TMEM164: variants seen among roughly 807,000 people sequenced by gnomAD.
TMEM164 encodes the protein RP13-360B22.2.
TMEM164 carries 4 observed loss-of-function variants against 18.8 expected under a neutral mutation model. The ratio of observed to expected loss-of-function variants is 0.21; its 90% CI spans 0.10 to 0.49. TMEM164 has a LOEUF of 0.49. TMEM164 is among the 20% of genes least tolerant of loss of function. The probability of loss-of-function intolerance (pLI) is 0.98; values close to 1 mark genes in which losing one functional copy is unlikely to be tolerated. For missense variants in TMEM164, 108 were observed against 239.9 expected (o/e 0.45, Z 3.63); for synonymous variants, 86 against 101.7 (o/e 0.85, Z 0.93).
At chrX:110,146,730 A>C (rs2066860880) in intron 5 of TMEM164, among the ~76,000 whole-genome samples, 1 of 111,624 alleles carries the variant, frequency 9.0e-6, no homozygotes, top group Non-Finnish European at 1.9e-5. Flanking sequence ...CTCCCTTTCC[A>C]GCTCTTTACT....
chrX:110,127,165 C>G (rs2066544659), intron 4 of TMEM164, among the ~76,000 whole-genome samples: 1 of 110,576 alleles, frequency 9.0e-6, no homozygotes, highest in Admixed American at 9.6e-5. Context: ...GAGAGCTGTC[C>G]TGAGGAAGTA....
At chrX:110,115,174 A>T (rs1286308876) in intron 4 of TMEM164, among the ~76,000 whole-genome samples, 1 of 112,176 alleles carries the variant, frequency 8.9e-6, no homozygotes, top group East Asian at 2.8e-4. Flanking sequence ...TCACCAATGC[A>T]GATAGGCTTG....
At chrX:110,012,555 T>C (rs1031607168) in intron 2 of TMEM164, among the ~76,000 whole-genome samples, 5 of 112,237 alleles carry the variant, frequency 4.5e-5, no homozygotes, top group African/African-American at 1.6e-4. Context: ...GGTTTTGGCC[T>C]CTTCTCTCCC....
intron 5 of TMEM164, among the ~76,000 whole-genome samples, chrX:110,167,056 G>A (rs1569359425): frequency 8.9e-6 from 1 of 112,253 alleles, no homozygotes; most frequent in Non-Finnish European, 1.9e-5. Flanking sequence ...AGCCATAGTG[G>A]AAGTCCTCCT....
At chrX:110,027,033 T>G (rs977687987) in intron 2 of TMEM164, among the ~76,000 whole-genome samples, 1 of 111,494 alleles carries the variant, frequency 9.0e-6, no homozygotes, top group Non-Finnish European at 1.9e-5. Context: ...TAATATCTTT[T>G]TCTCAACTTA....
At chrX:110,020,923 A>T (rs1933781318) in intron 2 of TMEM164, among the ~76,000 whole-genome samples, 1 of 106,762 alleles carries the variant, frequency 9.4e-6, no homozygotes, top group Non-Finnish European at 1.9e-5. Flanking sequence ...TTGCTAAAAT[A>T]CAAAAATGTT....
chrX:110,089,714 T>C (rs2065899064), intron 3 of TMEM164, among the ~76,000 whole-genome samples: 1 of 112,058 alleles, frequency 8.9e-6, no homozygotes, highest in Admixed American at 9.5e-5. Flanking sequence ...AATAGTACAG[T>C]GGAATTAGAG....
intron 5 of TMEM164, among the ~76,000 whole-genome samples, chrX:110,147,943 T>C (rs758354352): frequency 1.8e-5 from 2 of 110,392 alleles, no homozygotes; most frequent in Admixed American, 9.7e-5. Flanking sequence ...TGACCTATCA[T>C]TGAAACTTTC....
chrX:110,157,440 T>C (rs755758153), intron 5 of TMEM164, among the ~76,000 whole-genome samples: 2 of 111,619 alleles, frequency 1.8e-5, no homozygotes, highest in South Asian at 7.6e-4. Flanking sequence ...CTCCTCCTCC[T>C]TTCTCCCCCT....
intron 3 of TMEM164, among the ~76,000 whole-genome samples, chrX:110,099,934 A>C (rs1416447447): frequency 1.8e-5 from 2 of 112,195 alleles, no homozygotes; most frequent in Non-Finnish European, 3.8e-5. Flanking sequence ...ATTTATACTT[A>C]AGCATTTCAG....
intron 4 of TMEM164, among the ~76,000 whole-genome samples, chrX:110,112,737 T>C (rs1326816983): frequency 1.8e-5 from 2 of 111,949 alleles, no homozygotes; most frequent in Admixed American, 1.9e-4. Context: ...ACCCTCATGC[T>C]GCCTCTTCAC....
At chrX:110,112,945 T>C (rs958076295) in intron 4 of TMEM164, among the ~76,000 whole-genome samples, 1 of 110,999 alleles carries the variant, frequency 9.0e-6, no homozygotes, top group Non-Finnish European at 1.9e-5. Context: ...CATATGAATT[T>C]TGGGGGGACA....
intron 3 of TMEM164, among the ~76,000 whole-genome samples, chrX:110,073,728 A>T (rs1196921912): frequency 8.9e-6 from 1 of 112,168 alleles, no homozygotes; most frequent in African/African-American, 3.2e-5. Flanking sequence ...GAACTCTCCA[A>T]CCTGCTTTCC....
At chrX:110,026,377 G>A (rs1934191370) in intron 2 of TMEM164, among the ~76,000 whole-genome samples, 1 of 111,637 alleles carries the variant, frequency 9.0e-6, no homozygotes, top group South Asian at 3.7e-4. Context: ...GGCAGAGGGT[G>A]TGTGAGTAAT....
intron 2 of TMEM164, among the ~76,000 whole-genome samples, chrX:110,058,517 T>C (rs1156566338): frequency 9.1e-6 from 1 of 109,311 alleles, no homozygotes. Flanking sequence ...TTAAGAGCTA[T>C]TTATTCTGAA....
intron 3 of TMEM164, among the ~76,000 whole-genome samples, chrX:110,087,959 G>A (rs925371776): frequency 8.9e-6 from 1 of 111,837 alleles, no homozygotes; most frequent in Non-Finnish European, 1.9e-5. Context: ...AGGTAGACGA[G>A]GGAAGCATGG....
chrX:110,069,586 T>A (rs185722113), intron 3 of TMEM164, among the ~76,000 whole-genome samples: 1,483 of 95,080 alleles, frequency 0.016, 13 homozygotes, highest in Non-Finnish European at 0.02. Context: ...TTTTTTTTTT[T>A]AATTATTTTT....
rs187576445 is a variant in TMEM164, at chrX:110,067,525, A to G, written c.440+129A>G. ...TTTTGTCTTTGCACTTCCCAAAGGG[A>G]TGAAGGTCTGTGAGGGCCTACTGAA... On this transcript the variant is annotated intron_variant, in intron 3 of 6. Coordinates refer to ENST00000372068, the MANE Select transcript of TMEM164 (RefSeq NM_032227.4). The G allele has an allele frequency of 4.9e-4, 299 of 614,401 alleles. 1 individual carries two copies. In the African/African-American group the frequency reaches 5.9e-3, roughly 12 times the overall value. The allele number at this position is 614,401 out of a possible 1,213,427, so 50.6% of individuals were successfully genotyped here. A position where few individuals can be genotyped will look rare whatever the true frequency, so the allele number is the denominator to read the frequency against.
At chrX:110,136,102 G>A (rs2148042260) in intron 4 of TMEM164, among the ~76,000 whole-genome samples, 1 of 111,513 alleles carries the variant, frequency 9.0e-6, no homozygotes, top group African/African-American at 3.3e-5. Context: ...ACCTAAGAAC[G>A]GTACCCCCTT....
Sources: allele counts gnomAD v4.1 joint callset (sites outside exome capture counted in the v4.1 genomes callset), GRCh38; gene constraint gnomAD v4.1.1; transcripts MANE v1.5; gene names NCBI Gene and HGNC (gene_info 2026-07-23, HGNC 2026-07-21).